SNX24: variants seen among roughly 807,000 people sequenced by gnomAD.
The protein encoded by SNX24 is sorting nexin 24.
In SNX24, 22 loss-of-function variants were observed where a neutral mutation model predicts 28.7. The observed-to-expected ratio is 0.77, with a 90% CI of 0.55 to 1.10. The LOEUF (loss-of-function observed/expected upper bound fraction) is 1.10, where lower values mean the gene tolerates loss of function less well. Ranked by LOEUF, SNX24 falls within the 50% of genes least tolerant of loss-of-function variation. SNX24 has a pLI of 0.00. For synonymous variants in SNX24, 69 were observed against 71.5 expected (o/e 0.96, Z 0.18); for missense variants, 221 against 201.1 (o/e 1.10, Z -0.60).
In SNX24 at chr5:123,007,932, A is replaced by G. The variant is rs1762474902; in HGVS notation, c.*183A>G. On this transcript the variant is annotated 3_prime_UTR_variant, in exon 7 of 7. Coordinates refer to ENST00000261369, the MANE Select transcript of SNX24 (RefSeq NM_014035.4). ...TAGAATGGTGCTCTTAAAAATAGAA[A>G]CTGAACCGGGGCGGTGGTCAGGCTA... 2.2e-6 allele frequency: 3 copies of G among 1,392,850 alleles called. No homozygotes were observed. In the Admixed American group the frequency reaches 8.6e-5, roughly 40 times the overall value. 86.3% of individuals were successfully genotyped at this position (1,392,850 alleles called of 1,614,324 possible). A position where few individuals can be genotyped will look rare whatever the true frequency, so the allele number is the denominator to read the frequency against.
chr5:122,893,528 A>G (rs1195035844), intron 1 of SNX24, among the ~76,000 whole-genome samples: 1 of 152,208 alleles, frequency 6.6e-6, no homozygotes, highest in Non-Finnish European at 1.5e-5. Flanking sequence ...ACATATACAT[A>G]TATACACATA....
chr5:122,988,332 C>T (rs1350474033), intron 3 of SNX24, among the ~76,000 whole-genome samples: 3 of 152,158 alleles, frequency 2.0e-5, no homozygotes, highest in Non-Finnish European at 4.4e-5. Context: ...CCTGAGATAC[C>T]AGAGGCACAT....
At chr5:123,019,541 A>C (rs1762733765) in intron 5 of SNX24, among the ~76,000 whole-genome samples, 1 of 152,390 alleles carries the variant, frequency 6.6e-6, no homozygotes, top group Admixed American at 6.5e-5. Context: ...CATTCCAACT[A>C]ATTGACCCAA....
At chr5:122,936,856 G>A (rs563595958) in intron 2 of SNX24, 39 bp downstream of exon 2, 24 of 1,298,396 alleles carry the variant, frequency 1.8e-5, no homozygotes, top group Non-Finnish European at 2.3e-5. Flanking sequence ...TCTCTATGTG[G>A]CAGATGGTAT....
intron 3 of SNX24, among the ~76,000 whole-genome samples, chr5:122,959,593 A>G (rs532812723): frequency 6.6e-6 from 1 of 152,002 alleles, no homozygotes; most frequent in African/African-American, 2.4e-5. Flanking sequence ...AACTGAATTT[A>G]CTGAGAGAAT....
chr5:122,962,762 C>G (rs1045874164), intron 3 of SNX24, among the ~76,000 whole-genome samples: 3 of 152,098 alleles, frequency 2.0e-5, no homozygotes, highest in Non-Finnish European at 2.9e-5. Flanking sequence ...GGATTGTGGC[C>G]CCAGAGCTTT....
intron 1 of SNX24, 24 bp downstream of exon 1, chr5:122,845,717 A>T (rs1399548009): frequency 2.2e-6 from 3 of 1,340,822 alleles, no homozygotes; most frequent in South Asian, 2.2e-5. Flanking sequence ...GCGGGCGGAC[A>T]GGGCCCCGCG....
At chr5:123,025,796 G>T in intron 5 of SNX24, 1 of 1,612,950 alleles carries the variant, frequency 6.2e-7, no homozygotes, top group South Asian at 1.1e-5. Context: ...TCCCATCAAT[G>T]ACTTTTCCAA....
chr5:122,957,924 G>A (rs549534887), intron 3 of SNX24, among the ~76,000 whole-genome samples: 4 of 152,152 alleles, frequency 2.6e-5, no homozygotes, highest in South Asian at 2.1e-4. Context: ...CAGTTTTTTT[G>A]TAGAGTCTTA....
At chr5:122,908,011 C>T (rs771363226) in intron 1 of SNX24, among the ~76,000 whole-genome samples, 16 of 151,836 alleles carry the variant, frequency 1.1e-4, no homozygotes, top group Admixed American at 2.6e-4. Context: ...CAAGTGTTCA[C>T]GAACAAATCA....
At chr5:123,014,493 T>G (rs1197580004) in intron 5 of SNX24, among the ~76,000 whole-genome samples, 2 of 151,966 alleles carry the variant, frequency 1.3e-5, no homozygotes, top group East Asian at 3.9e-4. Context: ...GAACCAGACA[T>G]GAACGCTTAA....
Position 122,985,381 on chromosome 5 carries a change from C to A in SNX24, c.250-14531C>A, listed in dbSNP as rs1305303646. Among the ~76,000 whole-genome samples, 3 of 152,144 alleles carry A rather than the reference C, an allele frequency of 2.0e-5. No homozygotes were observed. The East Asian group carries it at 5.8e-4, about 29-fold the overall frequency. ...GAGTTCAAGACCTGGATTCTCAACT[C>A]TCCTGCCCAAAAAGACACAGAGATT... On this transcript the variant is annotated intron_variant, in intron 3 of 6. Transcript: ENST00000261369.
Position 122,881,228 on chromosome 5 carries a change from T to TAA in SNX24, c.60+35540_60+35541dup, listed in dbSNP as rs1554068937. Among the ~76,000 whole-genome samples, 14 of 59,444 alleles carry TAA rather than the reference T, an allele frequency of 2.4e-4. No homozygotes were observed. In the Admixed American group the frequency reaches 2.5e-3, roughly 11 times the overall value. 39.0% of individuals were successfully genotyped at this position (59,444 alleles called of 152,430 possible). ...TGGAGTTATGTTTTATGATTTTTTT[T>TAA]AAAAAACATTTCACAGTTTAATATA... is the stretch of plus-strand genomic sequence containing the variant. On this transcript the variant is annotated intron_variant, in intron 1 of 6. Transcript: ENST00000261369.
intron 3 of SNX24, among the ~76,000 whole-genome samples, chr5:122,970,060 C>T (rs1234275472): frequency 2.0e-5 from 3 of 151,820 alleles, no homozygotes; most frequent in Non-Finnish European, 2.9e-5. Context: ...GAGTGCCTTC[C>T]TTGTTTGTCC....
chr5:122,869,665 G>C (rs1755883846), intron 1 of SNX24, among the ~76,000 whole-genome samples: 1 of 152,018 alleles, frequency 6.6e-6, no homozygotes, highest in Non-Finnish European at 1.5e-5. Context: ...CAGAAATCTT[G>C]ATCTTTTTCA....
intron 1 of SNX24, among the ~76,000 whole-genome samples, chr5:122,922,761 A>G (rs1758495468): frequency 6.6e-6 from 1 of 151,938 alleles, no homozygotes; most frequent in Non-Finnish European, 1.5e-5. Flanking sequence ...ATGCCAGGTA[A>G]TCGCTTTCTA....
intron 6 of SNX24, among the ~76,000 whole-genome samples, chr5:123,004,580 A>T (rs768327986): frequency 3.3e-5 from 5 of 152,072 alleles, no homozygotes; most frequent in Non-Finnish European, 5.9e-5. Flanking sequence ...CACCTGAGTC[A>T]CAATATTGTA....
downstream of SNX24, among the ~76,000 whole-genome samples, chr5:123,010,910 TCTC>T (rs1467585232): frequency 6.6e-6 from 1 of 151,854 alleles, no homozygotes; most frequent in Non-Finnish European, 1.5e-5. Flanking sequence ...AAAGTGCTAT[TCTC>T]TTTTTAAAAA....
intron 1 of SNX24, among the ~76,000 whole-genome samples, chr5:122,882,757 T>C (rs1756538282): frequency 6.6e-6 from 1 of 152,184 alleles, no homozygotes; most frequent in African/African-American, 2.4e-5. Flanking sequence ...AATCTTACAA[T>C]TAATCTCTCA....
Sources: gnomAD v4.1 joint callset for allele counts (sites outside exome capture counted in the v4.1 genomes callset) on GRCh38, gnomAD v4.1.1 for gene constraint, MANE v1.5 for transcripts, NCBI Gene and HGNC (gene_info 2026-07-23, HGNC 2026-07-21) for gene names.